ANKRD44: variants seen among roughly 807,000 people sequenced by gnomAD.
ANKRD44 encodes the protein serine/threonine-protein phosphatase 6 regulatory ankyrin repeat subunit B.
ANKRD44 carries 35 observed loss-of-function variants against 116.0 expected under a neutral mutation model. The observed-to-expected ratio is 0.30, with a 90% confidence interval of 0.23 to 0.40. ANKRD44 has a LOEUF of 0.40. Ranked by LOEUF, ANKRD44 falls within the 10% of genes least tolerant of loss-of-function variation. The pLI is 1.00. For missense variants in ANKRD44, 1,014 were observed against 1,242.6 expected (o/e 0.82, Z 2.77); for synonymous variants, 435 against 461.8 (o/e 0.94, Z 0.74).
At chr2:197,023,606 T>C (rs1162501761) in intron 17 of ANKRD44, among the ~76,000 whole-genome samples, 2 of 152,120 alleles carry the variant, frequency 1.3e-5, no homozygotes, top group African/African-American at 4.8e-5. Context: ...TGATCAAGTC[T>C]TTGGAAGCCA....
intron 2 of ANKRD44, among the ~76,000 whole-genome samples, chr2:197,151,237 A>G (rs562518570): frequency 2.0e-5 from 3 of 152,280 alleles, no homozygotes; most frequent in African/African-American, 7.2e-5. Context: ...TGGGACACCC[A>G]CAGATTAAAT....
At chr2:197,126,110 A>C in intron 4 of ANKRD44, 73 bp from the exon 5 acceptor site, 1 of 1,502,018 alleles carries the variant, frequency 6.7e-7, no homozygotes, top group Non-Finnish European at 9.2e-7. Context: ...AAGATGCTTC[A>C]CCAAACCCTG....
chr2:197,244,824 T>A (rs1377481873), intron 1 of ANKRD44, among the ~76,000 whole-genome samples: 1 of 152,224 alleles, frequency 6.6e-6, no homozygotes, highest in African/African-American at 2.4e-5. Context: ...TCATATTCCA[T>A]ACATAGTAAA....
chr2:196,984,803 T>C (rs2075825373), downstream of ANKRD44, among the ~76,000 whole-genome samples: 1 of 152,196 alleles, frequency 6.6e-6, no homozygotes, highest in Non-Finnish European at 1.5e-5. Flanking sequence ...GGTGTATTAG[T>C]ATGATGTTAC....
At chr2:197,043,942 G>A (rs2076956256) in intron 16 of ANKRD44, among the ~76,000 whole-genome samples, 1 of 152,176 alleles carries the variant, frequency 6.6e-6, no homozygotes, top group Non-Finnish European at 1.5e-5. Flanking sequence ...AAAAATTAAA[G>A]TAATTATACT....
At chr2:197,071,585 T>C (rs2077559836) in intron 16 of ANKRD44, among the ~76,000 whole-genome samples, 1 of 152,230 alleles carries the variant, frequency 6.6e-6, no homozygotes, top group Admixed American at 6.5e-5. Context: ...TCTTTTATGT[T>C]TTTTGAATTT....
At chr2:197,137,347 CAG>C (rs1490587705) in intron 3 of ANKRD44, among the ~76,000 whole-genome samples, 1 of 152,186 alleles carries the variant, frequency 6.6e-6, no homozygotes, top group Admixed American at 6.5e-5. Context: ...CTCATGAGGA[CAG>C]AGAGTGGAGA....
chr2:197,252,517 C>G (rs1329561660), intron 1 of ANKRD44, among the ~76,000 whole-genome samples: 1 of 152,160 alleles, frequency 6.6e-6, no homozygotes, highest in Non-Finnish European at 1.5e-5. Flanking sequence ...CGCCACTCTC[C>G]TGCCTCAGCC....
intron 16 of ANKRD44, among the ~76,000 whole-genome samples, chr2:197,061,442 C>T (rs2077310392): frequency 1.3e-5 from 2 of 152,170 alleles, no homozygotes; most frequent in Admixed American, 1.3e-4. Flanking sequence ...TACTGGACAC[C>T]TGTGACCAAA....
chr2:197,247,180 C>A (rs776546744), intron 1 of ANKRD44, among the ~76,000 whole-genome samples: 1 of 152,186 alleles, frequency 6.6e-6, no homozygotes, highest in African/African-American at 2.4e-5. Context: ...ATTGTTTCAG[C>A]TTCTGCTCAG....
chr2:197,264,868 A>G (rs1419385417), intron 1 of ANKRD44, among the ~76,000 whole-genome samples: 1 of 152,242 alleles, frequency 6.6e-6, no homozygotes, highest in African/African-American at 2.4e-5. Context: ...ACTTAGGTCA[A>G]AGTTACCAGG....
Position 197,037,818 on chromosome 2 carries a change from T to C in ANKRD44, c.1651-12551A>G, listed in dbSNP as rs1033366821. Among the ~76,000 whole-genome samples, 5 of 152,108 alleles carry C rather than the reference T, an allele frequency of 3.3e-5. No homozygotes were observed. The East Asian group carries it at 7.7e-4, about 23-fold the overall frequency. ...ATTAGCCAAATATAGTGGTCGTGCCTATAGTCCCAGCTACTCAGGAGGCTG... is the reference window on the plus strand; with the variant it reads ...ATTAGCCAAATATAGTGGTCGTGCCCATAGTCCCAGCTACTCAGGAGGCTG... On this transcript the variant is annotated intron_variant, in intron 16 of 27. Transcript: ENST00000282272.
At chr2:197,020,955 C>T (rs1021861229) in intron 17 of ANKRD44, among the ~76,000 whole-genome samples, 10 of 152,088 alleles carry the variant, frequency 6.6e-5, no homozygotes, top group Admixed American at 6.5e-4. Context: ...TCCCTCCCCC[C>T]ATCCCACGAC....
chr2:197,187,474 C>A (rs959149359), intron 1 of ANKRD44, among the ~76,000 whole-genome samples: 4 of 152,062 alleles, frequency 2.6e-5, no homozygotes, highest in Non-Finnish European at 4.4e-5. Context: ...GAATTGTATC[C>A]CCACCAACAT....
chr2:197,062,891 G>T (rs1486797583), intron 16 of ANKRD44, among the ~76,000 whole-genome samples: 1 of 152,198 alleles, frequency 6.6e-6, no homozygotes, highest in Non-Finnish European at 1.5e-5. Flanking sequence ...CACCTCTGGG[G>T]GCAGGGCAAA....
chr2:197,023,133 C>T (rs899338864), intron 17 of ANKRD44, among the ~76,000 whole-genome samples: 1 of 152,206 alleles, frequency 6.6e-6, no homozygotes, highest in African/African-American at 2.4e-5. Flanking sequence ...ATGAAGCTAG[C>T]TCATGGCACA....
chr2:197,290,306 G>A (rs938410770), intron 1 of ANKRD44, among the ~76,000 whole-genome samples: 2 of 152,148 alleles, frequency 1.3e-5, no homozygotes, highest in African/African-American at 4.8e-5. Flanking sequence ...GCAGGAGTAA[G>A]GTGGTATCTC....
intron 21 of ANKRD44, among the ~76,000 whole-genome samples, chr2:196,972,176 T>C (rs185574903): frequency 1.3e-5 from 2 of 152,234 alleles, no homozygotes; most frequent in Non-Finnish European, 2.9e-5. Context: ...TTCCCAGTGC[T>C]ACCATGGTCA....
chr2:197,229,604 T>C (rs1180384401), intron 1 of ANKRD44, among the ~76,000 whole-genome samples: 1 of 152,106 alleles, frequency 6.6e-6, no homozygotes, highest in African/African-American at 2.4e-5. Flanking sequence ...TATTGACAGA[T>C]AATATTTATA....
Sources: gnomAD v4.1 joint callset for allele counts (sites outside exome capture counted in the v4.1 genomes callset) on GRCh38, gnomAD v4.1.1 for gene constraint, MANE v1.5 for transcripts, NCBI Gene and HGNC (gene_info 2026-07-23, HGNC 2026-07-21) for gene names.